Variants in SGIP1 observed in about 807,000 individuals in gnomAD.
SGIP1 encodes the protein SH3-containing GRB2-like protein 3-interacting protein 1.
In SGIP1, 38 loss-of-function variants were observed where a neutral mutation model predicts 107.5. The observed-to-expected ratio is 0.35, with a 90% confidence interval of 0.27 to 0.46. The LOEUF is 0.46. Among genes scored for constraint, SGIP1 ranks in the 20% least tolerant of loss-of-function variants. The probability of loss-of-function intolerance (pLI) is 1.00; values close to 1 mark genes in which losing one functional copy is unlikely to be tolerated. For synonymous variants in SGIP1, 365 were observed against 366.1 expected (o/e 1.00, Z 0.03); for missense variants, 929 against 1,019.5 (o/e 0.91, Z 1.21).
At chr1:66,704,516 C>T (rs923346960) in intron 18 of SGIP1, 22 of 152,168 alleles carry the variant, frequency 1.4e-4, no homozygotes, top group African/African-American at 5.3e-4. Flanking sequence ...CATAGCATTT[C>T]TGCCAATTTG....
At chr1:66,537,524 A>G (rs935918545) in intron 1 of SGIP1, among the ~76,000 whole-genome samples, 1 of 152,180 alleles carries the variant, frequency 6.6e-6, no homozygotes, top group South Asian at 2.1e-4. Flanking sequence ...GAGGGTGTCT[A>G]GAAAGTACTT....
At chr1:66,625,988 G>A in intron 2 of SGIP1, 78 bp downstream of exon 2, 1 of 1,114,528 alleles carries the variant, frequency 9.0e-7, no homozygotes, top group Non-Finnish European at 1.3e-6. Flanking sequence ...ATATAAGATG[G>A]CCACAGTTTT....
At chr1:66,659,084 G>A (rs753871506) in intron 7 of SGIP1, among the ~76,000 whole-genome samples, 1 of 152,166 alleles carries the variant, frequency 6.6e-6, no homozygotes, top group Non-Finnish European at 1.5e-5. Flanking sequence ...CATCACCAAA[G>A]CATTAAATTC....
At chr1:66,660,464 A>G in intron 7 of SGIP1, 49 bp from the exon 8 acceptor site, 1 of 1,551,650 alleles carries the variant, frequency 6.4e-7, no homozygotes, top group Admixed American at 1.7e-5. Context: ...AATACATTTC[A>G]CCTCTCTCAT....
intron 1 of SGIP1, among the ~76,000 whole-genome samples, chr1:66,560,163 C>T (rs867646914): frequency 6.6e-6 from 1 of 152,094 alleles, no homozygotes; most frequent in South Asian, 2.1e-4. Context: ...TTTTTCTTCC[C>T]TGAAGCTGAC....
chr1:66,670,608 A>G (rs1464555600), intron 9 of SGIP1, among the ~76,000 whole-genome samples: 1 of 152,154 alleles, frequency 6.6e-6, no homozygotes, highest in Admixed American at 6.6e-5. Flanking sequence ...AGCATGCACT[A>G]CTCCTAAACA....
At chr1:66,664,289 T>C (rs917526106) in intron 8 of SGIP1, among the ~76,000 whole-genome samples, 1 of 152,178 alleles carries the variant, frequency 6.6e-6, no homozygotes, top group East Asian at 1.9e-4. Flanking sequence ...GGCAGGTTTA[T>C]AAGAAAGGTG....
intron 7 of SGIP1, among the ~76,000 whole-genome samples, chr1:66,651,814 T>G (rs764279205): frequency 2.6e-5 from 4 of 152,224 alleles, no homozygotes; most frequent in Non-Finnish European, 5.9e-5. Flanking sequence ...TTATTATATA[T>G]GCAGATTGTT....
Position 66,682,056 on chromosome 1 carries a change from G to A in SGIP1, c.1002G>A (p.Val334=), listed in dbSNP as rs777260898. 6.2e-7 allele frequency: 1 copy of A among 1,614,162 alleles called. No individual in the cohort carries two copies. Among genetic ancestry groups the A allele is most frequent in the South Asian group, 1.1e-5 (1 of 91,080 alleles). ...AGTTGACTCCAAGGGAAAAAGTGGT[G>A]TCCCCACCAGCTACACCAGACAACC... is the stretch of plus-strand genomic sequence containing the variant. ...TPELTPREKV[V]SPPATPDNPA... is the part of the protein sequence containing the mutation. Residue 334 remains valine, a synonymous_variant, in exon 15 of 25, where the codon GTG becomes GTA. Coordinates refer to ENST00000371037, the MANE Select transcript of SGIP1 (RefSeq NM_032291.4).
At chr1:66,716,248 T>C (rs1478216756) in intron 18 of SGIP1, among the ~76,000 whole-genome samples, 11 of 152,168 alleles carry the variant, frequency 7.2e-5, no homozygotes, top group African/African-American at 1.2e-4. Context: ...TCGCAATGGA[T>C]GTATAGCTAC....
At chr1:66,605,489 A>G (rs2066641786) in intron 1 of SGIP1, among the ~76,000 whole-genome samples, 1 of 151,954 alleles carries the variant, frequency 6.6e-6, no homozygotes, top group Non-Finnish European at 1.5e-5. Context: ...TTTGTTTTTA[A>G]CCTGGATACT....
At chr1:66,580,688 C>T (rs1348674) in intron 1 of SGIP1, among the ~76,000 whole-genome samples, 28,582 of 151,890 alleles carry the variant, frequency 0.19, 3,178 homozygotes, top group African/African-American at 0.31. Flanking sequence ...TTTGTTTTAT[C>T]TTAATTATAC....
chr1:66,586,543 C>T (rs1167693697), intron 1 of SGIP1, among the ~76,000 whole-genome samples: 3 of 152,060 alleles, frequency 2.0e-5, no homozygotes, highest in Non-Finnish European at 4.4e-5. Context: ...TTACTGTATA[C>T]CAATGTCTTC....
chr1:66,540,735 G>A (rs2054731290), intron 1 of SGIP1, among the ~76,000 whole-genome samples: 2 of 152,304 alleles, frequency 1.3e-5, no homozygotes, highest in South Asian at 4.1e-4. Context: ...TATGCAGTTG[G>A]GCTTTTTGGT....
intron 8 of SGIP1, among the ~76,000 whole-genome samples, chr1:66,665,598 A>G (rs767167438): frequency 2.1e-4 from 32 of 152,336 alleles, no homozygotes; most frequent in Non-Finnish European, 2.6e-4. Context: ...ACAGTGTAAA[A>G]ACATTCCTAT....
intron 2 of SGIP1, among the ~76,000 whole-genome samples, chr1:66,628,704 T>C (rs1010827023): frequency 6.6e-6 from 1 of 152,214 alleles, no homozygotes; most frequent in Non-Finnish European, 1.5e-5. Flanking sequence ...CTAATTTACA[T>C]GTAGCCAAAG....
chr1:66,683,706 T>C (rs1290933858), intron 15 of SGIP1, among the ~76,000 whole-genome samples: 2 of 78,076 alleles, frequency 2.6e-5, no homozygotes, highest in African/African-American at 7.0e-5. Flanking sequence ...TTTTCTTTTT[T>C]TTTTTTTTTT....
At chr1:66,593,170 G>A (rs1223382209) in intron 1 of SGIP1, among the ~76,000 whole-genome samples, 1 of 151,820 alleles carries the variant, frequency 6.6e-6, no homozygotes, top group African/African-American at 2.4e-5. Flanking sequence ...CTGGATGTAC[G>A]ATGGCTTATT....
At chr1:66,671,717 A>C (rs549328035) in intron 10 of SGIP1, among the ~76,000 whole-genome samples, 1 of 152,178 alleles carries the variant, frequency 6.6e-6, no homozygotes, top group African/African-American at 2.4e-5. Context: ...CTTGTCACGG[A>C]AGTTCCTTAG....
Sources: gnomAD v4.1 joint callset for allele counts (sites outside exome capture counted in the v4.1 genomes callset) on GRCh38, gnomAD v4.1.1 for gene constraint, MANE v1.5 for transcripts, NCBI Gene and HGNC (gene_info 2026-07-23, HGNC 2026-07-21) for gene names.